The following EPB41L4A variants were observed in gnomAD, a reference collection of about 807,000 sequenced individuals.
EPB41L4A encodes band 4.1-like protein 4A.
EPB41L4A carries 100 observed loss-of-function variants against 108.6 expected under a neutral mutation model. The observed-to-expected ratio is 0.92, with a 90% confidence interval of 0.78 to 1.09. The LOEUF is 1.09. Ranked by LOEUF, EPB41L4A falls within the 50% of genes least tolerant of loss-of-function variation. EPB41L4A has a pLI of 0.00. For missense variants in EPB41L4A, 1,030 were observed against 842.7 expected, an observed-to-expected ratio of 1.22 and a Z score of -2.75; for synonymous variants, 319 against 289.0, an observed-to-expected ratio of 1.10 and a Z score of -1.05.
chr5:112,382,084 A>G lies in EPB41L4A; in HGVS notation c.99+36857T>C, dbSNP rs369125773. On this transcript the variant is annotated intron_variant, in intron 1 of 22. Transcript: ENST00000261486. ...ACATCAGTTAGTCAAATTTTTATTT[A>G]AAAACTCAATTAGCACTTTTAAAAG... 5.9e-5 allele frequency among the ~76,000 whole-genome samples: 9 copies of G among 152,370 alleles called. No individual in the cohort carries two copies. The East Asian group carries it at 1.7e-3, about 29-fold the overall frequency.
intron 18 of EPB41L4A, among the ~76,000 whole-genome samples, chr5:112,178,317 G>C (rs1255714107): frequency 2.6e-5 from 4 of 151,998 alleles, no homozygotes; most frequent in African/African-American, 4.8e-5. Context: ...AGTAAAAACT[G>C]ACAGAATTAA....
intron 3 of EPB41L4A, among the ~76,000 whole-genome samples, chr5:112,275,727 A>G (rs1446258444): frequency 6.9e-6 from 1 of 144,606 alleles, no homozygotes; most frequent in Admixed American, 7.1e-5. Context: ...AAGAAAAAAA[A>G]TAAATGGTTT....
chr5:112,341,706 G>T (rs112016214), intron 1 of EPB41L4A, among the ~76,000 whole-genome samples: 1,636 of 151,952 alleles, frequency 0.011, 29 homozygotes, highest in African/African-American at 0.038. Context: ...GAGTCTAGAA[G>T]TTCAAGACCA....
At chr5:112,178,647 T>C (rs950326546) in intron 18 of EPB41L4A, among the ~76,000 whole-genome samples, 1 of 151,716 alleles carries the variant, frequency 6.6e-6, no homozygotes, top group Admixed American at 6.6e-5. Flanking sequence ...TCCTGAAATA[T>C]TTGGAAATTA....
At chr5:112,262,766 A>C (rs1315050028) in intron 6 of EPB41L4A, among the ~76,000 whole-genome samples, 185 bp from the exon 7 acceptor site, 4 of 152,238 alleles carry the variant, frequency 2.6e-5, no homozygotes, top group Non-Finnish European at 5.9e-5. Flanking sequence ...CTGAAGTGAT[A>C]CTTATATTAA....
chr5:112,324,403 G>C (rs1756005080), intron 1 of EPB41L4A, among the ~76,000 whole-genome samples: 1 of 152,104 alleles, frequency 6.6e-6, no homozygotes, highest in East Asian at 1.9e-4. Flanking sequence ...CAGAGGTCAG[G>C]AGTTTGAGAT....
At chr5:112,192,924 A>T (rs1420939906) in intron 17 of EPB41L4A, among the ~76,000 whole-genome samples, 2 of 152,266 alleles carry the variant, frequency 1.3e-5, no homozygotes, top group African/African-American at 4.8e-5. Context: ...TAAGAAAATA[A>T]GTGGGTATTT....
intron 1 of EPB41L4A, among the ~76,000 whole-genome samples, chr5:112,394,195 T>C (rs890001090): frequency 1.3e-5 from 2 of 152,184 alleles, no homozygotes; most frequent in Non-Finnish European, 2.9e-5. Context: ...AGGGATGCCC[T>C]CTCTCACCAC....
intron 4 of EPB41L4A, among the ~76,000 whole-genome samples, chr5:112,271,061 C>A (rs1752232890): frequency 6.6e-6 from 1 of 152,200 alleles, no homozygotes. Flanking sequence ...GAAACCAGAT[C>A]TTGCCCTGGT....
At chr5:112,329,708 C>T (rs1756425833) in intron 1 of EPB41L4A, among the ~76,000 whole-genome samples, 1 of 152,108 alleles carries the variant, frequency 6.6e-6, no homozygotes, top group African/African-American at 2.4e-5. Flanking sequence ...GACTGCCCTG[C>T]AAATGAAATC....
intron 17 of EPB41L4A, among the ~76,000 whole-genome samples, chr5:112,193,425 C>T (rs1221303740): frequency 1.3e-5 from 2 of 152,220 alleles, no homozygotes; most frequent in Admixed American, 6.5e-5. Flanking sequence ...CCTCTGCCTC[C>T]TGAGTAGCTG....
chr5:112,412,160 T>C (rs557373663), intron 1 of EPB41L4A, among the ~76,000 whole-genome samples: 2 of 152,314 alleles, frequency 1.3e-5, no homozygotes, highest in African/African-American at 4.8e-5. Flanking sequence ...ACCTTTTGGT[T>C]ATTGTCTGTG....
Position 112,375,990 on chromosome 5 carries a change from A to G in EPB41L4A, c.99+42951T>C, listed in dbSNP as rs534660062. 2.0e-5 allele frequency among the ~76,000 whole-genome samples: 3 copies of G among 152,306 alleles called. No individual in the cohort carries two copies. The East Asian group carries it at 5.8e-4, about 29-fold the overall frequency. ...TAACTGTCCCCAGGGGTTGGCTTTA[A>G]TAATACCGAAAGCATAAATAAAAAC... On this transcript the variant is annotated intron_variant, in intron 1 of 22. Coordinates refer to ENST00000261486, the MANE Select transcript of EPB41L4A (RefSeq NM_022140.5).
intron 1 of EPB41L4A, among the ~76,000 whole-genome samples, chr5:112,402,478 C>G (rs962321314): frequency 6.6e-6 from 1 of 152,166 alleles, no homozygotes; most frequent in Non-Finnish European, 1.5e-5. Context: ...GTCAACTCAC[C>G]AGTTACTGCA....
At chr5:112,167,906 CTG>C (rs1760348357) in intron 22 of EPB41L4A, among the ~76,000 whole-genome samples, 1 of 152,220 alleles carries the variant, frequency 6.6e-6, no homozygotes, top group African/African-American at 2.4e-5. Context: ...GGTCCAAAAA[CTG>C]TACATGTGCT....
intron 12 of EPB41L4A, among the ~76,000 whole-genome samples, chr5:112,223,955 A>AG (rs1187720504): frequency 1.3e-5 from 2 of 152,216 alleles, no homozygotes; most frequent in Non-Finnish European, 2.9e-5. Flanking sequence ...TTTGAACTTT[A>AG]GGCTTTTTTC....
In EPB41L4A at chr5:112,150,299, G is replaced by A. The variant is rs142094531; in HGVS notation, n.995-4301C>T. ...TTGAAAAAGAAAATGACAAACCCAC[G>A]AGAAAATGGGCAACAAGTGACAGTC... is the stretch of plus-strand genomic sequence containing the variant. On this transcript the variant is annotated intron_variant and non_coding_transcript_variant, in intron 12 of 13. Transcript: ENST00000507810. 2.7e-3 allele frequency among the ~76,000 whole-genome samples: 413 copies of A among 151,920 alleles called. 4 individuals are homozygous for A. Among genetic ancestry groups the A allele is most frequent in the Non-Finnish European group, 1.9e-3 (127 of 67,942 alleles).
intron 13 of EPB41L4A, chr5:112,206,837 T>C (rs548525483): frequency 9.8e-5 from 15 of 152,322 alleles, no homozygotes; most frequent in East Asian, 5.8e-4. Context: ...GCAAAGGGGA[T>C]TGAAAAATAT....
chr5:112,217,233 C>T (rs1052267526), intron 12 of EPB41L4A, among the ~76,000 whole-genome samples: 4 of 152,104 alleles, frequency 2.6e-5, no homozygotes. Flanking sequence ...CGTGAGCCAC[C>T]GCATCCAGCT....
Sources: allele counts gnomAD v4.1 joint callset (sites outside exome capture counted in the v4.1 genomes callset), GRCh38; gene constraint gnomAD v4.1.1; transcripts MANE v1.5; gene names NCBI Gene and HGNC (gene_info 2026-07-23, HGNC 2026-07-21).